Variants in NEBL observed in about 807,000 individuals in gnomAD.
NEBL encodes nebulette, also known as LIM and SH3 protein 2.
In NEBL, 122 loss-of-function variants were observed where a neutral mutation model predicts 140.2. The observed-to-expected ratio is 0.87, with a 90% CI of 0.75 to 1.01. The LOEUF is 1.01. NEBL is among the 50% of genes least tolerant of loss of function. NEBL has a pLI of 0.00. For missense variants in NEBL, 1,365 were observed against 1,231.3 expected, an observed-to-expected ratio of 1.11 and a Z score of -1.62; for synonymous variants, 436 against 398.9, an observed-to-expected ratio of 1.09 and a Z score of -1.11.
chr10:20,967,251 AT>A, intron 3 of NEBL, among the ~76,000 whole-genome samples: 1 of 152,380 alleles, frequency 6.6e-6, no homozygotes, highest in South Asian at 2.1e-4. Flanking sequence ...ATGTAATATT[AT>A]TTAAGAGTTA....
intron 3 of NEBL, among the ~76,000 whole-genome samples, chr10:21,005,652 T>A (rs1194111809): frequency 6.6e-6 from 1 of 152,110 alleles, no homozygotes. Context: ...GAGGACCACT[T>A]GAGCCCAGGA....
chr10:20,804,537 A>G (rs574271467), intron 26 of NEBL: 1 of 152,330 alleles, frequency 6.6e-6, no homozygotes, highest in Non-Finnish European at 1.5e-5. Flanking sequence ...GGTGAATCAG[A>G]ATTAATCTTG....
At position 20,819,464 on chromosome 10, in the gene NEBL, T is replaced by A. The variant is rs1179568232; in HGVS notation, c.2015A>T (p.Glu672Val). 2 of 1,613,964 alleles carry A rather than the reference T, an allele frequency of 1.2e-6. No individual in the cohort carries two copies. Among genetic ancestry groups the A allele is most frequent in the Non-Finnish European group, 1.7e-6 (2 of 1,179,972 alleles). The change falls in exon 20 of 28, where the codon GAG becomes GTG. Residue 672 changes from glutamate to valine, a missense_variant. Glu to Val is a moderately radical substitution (Grantham distance 121). Coordinates refer to ENST00000377122, the MANE Select transcript of NEBL (RefSeq NM_006393.3). Reference sequence around the variant, plus strand: ...CTGGTTTCGCCTCACTCTCTCTATCTCCGGGGTCATGCTTACCGGAGTGGC... The same window carrying A: ...CTGGTTTCGCCTCACTCTCTCTATCACCGGGGTCATGCTTACCGGAGTGGC... The part of the protein sequence containing the change: ...YKATPVSMTP[E>V]IERVRRNQEQ...
intron 2 of NEBL, among the ~76,000 whole-genome samples, chr10:21,106,053 ATTTG>A (rs1246743082): frequency 4.0e-5 from 6 of 151,564 alleles, no homozygotes; most frequent in African/African-American, 1.5e-4. Flanking sequence ...TTTCTGGTAA[ATTTG>A]TTTAAGTTCT....
chr10:20,855,746 G>T (rs144092569), intron 9 of NEBL, among the ~76,000 whole-genome samples: 37 of 152,200 alleles, frequency 2.4e-4, no homozygotes, highest in African/African-American at 7.9e-4. Flanking sequence ...TAATTAGAAT[G>T]ATTTTACACA....
intron 3 of NEBL, among the ~76,000 whole-genome samples, chr10:21,007,777 G>C (rs940137036): frequency 3.3e-5 from 5 of 152,172 alleles, no homozygotes; most frequent in African/African-American, 1.2e-4. Flanking sequence ...ATCTGTGCTT[G>C]TTATATAGTA....
intron 4 of NEBL, among the ~76,000 whole-genome samples, 186 bp downstream of exon 4, chr10:20,887,910 AC>A (rs1264486034): frequency 1.3e-5 from 2 of 152,168 alleles, no homozygotes; most frequent in African/African-American, 4.8e-5. Flanking sequence ...ACTGACATAA[AC>A]CTGCGTGTCC....
At chr10:21,120,911 T>C (rs529350453) in intron 2 of NEBL, among the ~76,000 whole-genome samples, 14 of 152,084 alleles carry the variant, frequency 9.2e-5, no homozygotes, top group African/African-American at 3.1e-4. Flanking sequence ...GTGTAAGCTG[T>C]GGATGTTTAC....
chr10:21,138,325 T>G (rs967411312), intron 2 of NEBL, among the ~76,000 whole-genome samples: 1 of 151,192 alleles, frequency 6.6e-6, no homozygotes, highest in South Asian at 2.1e-4. Context: ...GCTTATGGAT[T>G]CCCACCAAGC....
intron 3 of NEBL, among the ~76,000 whole-genome samples, chr10:20,966,766 C>A (rs553096776): frequency 1.3e-5 from 2 of 152,300 alleles, no homozygotes; most frequent in Admixed American, 6.5e-5. Context: ...AAGTTCTCTT[C>A]CCCAAATGCT....
chr10:20,823,920 G>T (rs1839598723), intron 18 of NEBL, among the ~76,000 whole-genome samples: 1 of 152,160 alleles, frequency 6.6e-6, no homozygotes. Flanking sequence ...GGAAGTCAGA[G>T]ATGTCTGCTA....
intron 2 of NEBL, chr10:21,070,153 G>T: frequency 2.8e-6 from 1 of 363,412 alleles, no homozygotes. Context: ...GTTGGAATTT[G>T]GCCAGGACAC....
chr10:20,968,074 T>C (rs1306285021), intron 3 of NEBL, among the ~76,000 whole-genome samples: 1 of 152,232 alleles, frequency 6.6e-6, no homozygotes, highest in Admixed American at 6.5e-5. Flanking sequence ...ATCCACCATC[T>C]GCAGAAAGTT....
At chr10:21,257,504 A>G (rs900046756) in intron 1 of NEBL, among the ~76,000 whole-genome samples, 4 of 152,160 alleles carry the variant, frequency 2.6e-5, no homozygotes, top group Non-Finnish European at 5.9e-5. Context: ...ACTGGTCCTC[A>G]CCTCCATTGC....
intron 1 of NEBL, among the ~76,000 whole-genome samples, chr10:21,273,747 C>G (rs985807317): frequency 3.9e-5 from 6 of 152,202 alleles, no homozygotes; most frequent in Non-Finnish European, 8.8e-5. Flanking sequence ...AAGTGCTCTG[C>G]CCAGCTGAGG....
intron 3 of NEBL, among the ~76,000 whole-genome samples, chr10:20,964,140 C>G (rs1836183631): frequency 6.6e-6 from 1 of 152,146 alleles, no homozygotes; most frequent in Non-Finnish European, 1.5e-5. Flanking sequence ...TCTCTCCAAT[C>G]TCATGTGGCC....
At position 20,812,978 on chromosome 10, in the gene NEBL, T is replaced by G. The variant is rs779020944; in HGVS notation, c.2347-38A>C. 3.9e-6 allele frequency: 6 copies of G among 1,548,924 alleles called. No homozygotes were observed. In the South Asian group the frequency reaches 5.6e-5, roughly 14 times the overall value. ...AAATCATCATACTGAATTTTGCGGA[T>G]AGTTACCTCTTTCACAACATTTTTA... is the stretch of plus-strand genomic sequence containing the variant. On this transcript the variant is annotated intron_variant, in intron 23 of 27. Transcript: ENST00000377122.
intron 3 of NEBL, among the ~76,000 whole-genome samples, chr10:20,889,476 T>C (rs1238515270): frequency 1.3e-5 from 2 of 152,206 alleles, no homozygotes; most frequent in Non-Finnish European, 2.9e-5. Context: ...CAAAATGATA[T>C]TCAATCATTT....
intron 2 of NEBL, among the ~76,000 whole-genome samples, chr10:21,082,760 C>CTTTTTTT (rs1564504896): frequency 3.8e-4 from 20 of 52,820 alleles, no homozygotes; most frequent in African/African-American, 1.1e-3. Context: ...AGGAGGGATG[C>CTTTTTTT]ATTTTTTTTT....
Sources: allele counts gnomAD v4.1 joint callset (sites outside exome capture counted in the v4.1 genomes callset), GRCh38; gene constraint gnomAD v4.1.1; transcripts MANE v1.5; gene names NCBI Gene and HGNC (gene_info 2026-07-23, HGNC 2026-07-21).